The following CWC27 variants were observed in gnomAD, a reference collection of about 807,000 sequenced individuals.
The protein encoded by CWC27 is spliceosome-associated protein CWC27 homolog.
CWC27 carries 47 observed loss-of-function variants against 63.6 expected under a neutral mutation model. The ratio of observed to expected loss-of-function variants is 0.74; its 90% confidence interval spans 0.58 to 0.94. CWC27 has a LOEUF of 0.94. Ranked by LOEUF, CWC27 falls within the 40% of genes least tolerant of loss-of-function variation. The probability of loss-of-function intolerance (pLI) is 0.00; values close to 1 mark genes in which losing one functional copy is unlikely to be tolerated. For synonymous variants in CWC27, 175 were observed against 179.8 expected (o/e 0.97, Z 0.22); for missense variants, 495 against 554.3 (o/e 0.89, Z 1.07).
intron 2 of CWC27, among the ~76,000 whole-genome samples, chr5:64,780,027 T>G (rs578129958): frequency 7.2e-5 from 11 of 152,276 alleles, no homozygotes; most frequent in African/African-American, 2.4e-4. Context: ...CAGTCTTGGG[T>G]ATTTCTTCAT....
intron 10 of CWC27, among the ~76,000 whole-genome samples, chr5:64,819,300 A>G (rs1052284887): frequency 6.6e-6 from 1 of 152,134 alleles, no homozygotes; most frequent in African/African-American, 2.4e-5. Context: ...AGTAATATAT[A>G]CAAGAAACCC....
chr5:64,809,011 A>G (rs747565692), intron 10 of CWC27, among the ~76,000 whole-genome samples: 2 of 152,146 alleles, frequency 1.3e-5, no homozygotes, highest in Non-Finnish European at 2.9e-5. Flanking sequence ...AATTTTTACA[A>G]ACTAAATATA....
chr5:64,849,589 C>A (rs940757321), intron 10 of CWC27, among the ~76,000 whole-genome samples: 3 of 151,968 alleles, frequency 2.0e-5, no homozygotes, highest in Non-Finnish European at 2.9e-5. Flanking sequence ...GCAGCACCTC[C>A]AATGGGAGAA....
At chr5:64,806,032 G>A (rs988958677) in intron 10 of CWC27, among the ~76,000 whole-genome samples, 3 of 152,080 alleles carry the variant, frequency 2.0e-5, no homozygotes, top group Non-Finnish European at 4.4e-5. Flanking sequence ...ATTTAGTATG[G>A]AGAATGGATT....
In CWC27 at chr5:64,988,922, A is replaced by C. The variant is rs535260399; in HGVS notation, c.1256+11684A>C. 1.3e-3 allele frequency among the ~76,000 whole-genome samples: 199 copies of C among 152,220 alleles called. 1 individual carries two copies. Among genetic ancestry groups the C allele is most frequent in the African/African-American group, 4.5e-3 (185 of 41,538 alleles). On this transcript the variant is annotated intron_variant, in intron 13 of 13. Transcript: ENST00000381070. ...CCAAGCCTAGACTATCTTTTAGTTAAGTTCTCAGAGTCTTTGATATGCAGT... is the reference window on the plus strand; with the variant it reads ...CCAAGCCTAGACTATCTTTTAGTTACGTTCTCAGAGTCTTTGATATGCAGT...
At chr5:64,841,101 A>G (rs1745822479) in intron 10 of CWC27, among the ~76,000 whole-genome samples, 1 of 152,202 alleles carries the variant, frequency 6.6e-6, no homozygotes, top group East Asian at 1.9e-4. Context: ...ATGGGTCATT[A>G]TAAGCAACAG....
intron 11 of CWC27, among the ~76,000 whole-genome samples, chr5:64,928,890 T>A (rs1018964623): frequency 7.9e-5 from 12 of 151,824 alleles, no homozygotes; most frequent in South Asian, 4.1e-4. Flanking sequence ...AAAGAAAAAA[T>A]TTGATTATGT....
Position 64,784,707 on chromosome 5 carries a change from G to A in CWC27, c.396+728G>A, listed in dbSNP as rs527288368. ...TCAGTACAATTGGAAAGCTGGTGTT[G>A]TTTTAAAACTCTTGAAAAACACTGA... is the stretch of plus-strand genomic sequence containing the variant. On this transcript the variant is annotated intron_variant, in intron 4 of 13. Coordinates refer to ENST00000381070, the MANE Select transcript of CWC27 (RefSeq NM_005869.4). Among the ~76,000 whole-genome samples, 5 of 152,176 alleles carry A rather than the reference G, an allele frequency of 3.3e-5. No individual in the cohort carries two copies. In the South Asian group the frequency reaches 1.0e-3, roughly 32 times the overall value.
intron 10 of CWC27, among the ~76,000 whole-genome samples, chr5:64,812,896 G>A (rs188959925): frequency 2.6e-5 from 4 of 152,240 alleles, no homozygotes; most frequent in Non-Finnish European, 1.5e-5. Flanking sequence ...TGCTATGGAT[G>A]TTAAGTAGGC....
rs1440829650 is a variant in CWC27, at chr5:64,940,392, C to G, written c.1043-31311C>G. The stretch of plus-strand genomic sequence containing the variant: ...GGAGTTCTCTGACTCCTTGCACTTC[C>G]CGGTGAGGCAGCGCCCCACCCTGTT... On this transcript the variant is annotated intron_variant, in intron 11 of 13. Coordinates refer to ENST00000381070, the MANE Select transcript of CWC27 (RefSeq NM_005869.4). Among the ~76,000 whole-genome samples, 12 of 152,290 alleles carry G rather than the reference C, an allele frequency of 7.9e-5. No homozygotes were observed. In the South Asian group the frequency reaches 1.0e-3, roughly 13 times the overall value.
intron 13 of CWC27, among the ~76,000 whole-genome samples, chr5:64,980,233 T>C (rs1258516706): frequency 1.3e-5 from 2 of 152,186 alleles, no homozygotes; most frequent in African/African-American, 4.8e-5. Context: ...GTGGTCTCTT[T>C]GTCACTATAT....
chr5:64,802,575 A>G (rs903994422), intron 9 of CWC27, among the ~76,000 whole-genome samples: 1 of 152,168 alleles, frequency 6.6e-6, no homozygotes, highest in Non-Finnish European at 1.5e-5. Context: ...GGAGAGCTTG[A>G]TATAAGACCA....
chr5:64,787,738 C>T (rs1176646319), intron 6 of CWC27, among the ~76,000 whole-genome samples: 1 of 152,004 alleles, frequency 6.6e-6, no homozygotes, highest in South Asian at 2.1e-4. Flanking sequence ...TACTCTTTTA[C>T]TGAATCGTAG....
intron 10 of CWC27, chr5:64,807,490 G>A: frequency 7.3e-7 from 1 of 1,362,782 alleles, no homozygotes; most frequent in Non-Finnish European, 9.5e-7. Context: ...ACGCTTCCTA[G>A]TTTCTCTCCT....
chr5:64,839,492 A>C (rs751639399), intron 10 of CWC27, among the ~76,000 whole-genome samples: 1 of 152,194 alleles, frequency 6.6e-6, no homozygotes, highest in Non-Finnish European at 1.5e-5. Flanking sequence ...CTAGGCCATA[A>C]ATGTAGCAGG....
intron 10 of CWC27, among the ~76,000 whole-genome samples, chr5:64,877,141 A>C (rs566276268): frequency 2.0e-5 from 3 of 152,194 alleles, no homozygotes; most frequent in African/African-American, 7.2e-5. Context: ...TATTCACAAT[A>C]GCCAAGATGT....
intron 10 of CWC27, among the ~76,000 whole-genome samples, chr5:64,806,096 A>AACAG (rs56342321): frequency 6.6e-6 from 1 of 151,886 alleles, no homozygotes; most frequent in African/African-American, 2.4e-5. Context: ...GGATGACTTA[A>AACAG]CAGACATTTA....
intron 10 of CWC27, among the ~76,000 whole-genome samples, chr5:64,845,944 G>T (rs1171948155): frequency 6.6e-6 from 1 of 152,126 alleles, no homozygotes; most frequent in Non-Finnish European, 1.5e-5. Context: ...TAATCTAGCT[G>T]TCAAAAATCA....
intron 2 of CWC27, among the ~76,000 whole-genome samples, chr5:64,777,263 A>G (rs1438413203): frequency 6.6e-6 from 1 of 152,104 alleles, no homozygotes; most frequent in Non-Finnish European, 1.5e-5. Context: ...ATTCTTTAAT[A>G]ATAGTTTACT....
Sources: gnomAD v4.1 joint callset for allele counts (sites outside exome capture counted in the v4.1 genomes callset) on GRCh38, gnomAD v4.1.1 for gene constraint, MANE v1.5 for transcripts, NCBI Gene and HGNC (gene_info 2026-07-23, HGNC 2026-07-21) for gene names.